The following AIM2 variants were observed in gnomAD, a reference collection of about 807,000 sequenced individuals.
The protein encoded by AIM2 is absent in melanoma 2, also known as interferon-inducible protein AIM2.
AIM2 carries 30 observed loss-of-function variants against 27.7 expected under a neutral mutation model. That is an observed-to-expected ratio of 1.08 (90% CI 0.81 to 1.47). AIM2 has a LOEUF of 1.47. AIM2 is among the 40% of genes most tolerant of loss of function. The probability of loss-of-function intolerance (pLI) is 0.00; values close to 1 mark genes in which losing one functional copy is unlikely to be tolerated. For missense variants in AIM2, 358 were observed against 411.3 expected, an observed-to-expected ratio of 0.87 and a Z score of 1.12; for synonymous variants, 141 against 145.3, an observed-to-expected ratio of 0.97 and a Z score of 0.21.
chr1:159,075,294 G>C (rs1222028459), intron 1 of AIM2, among the ~76,000 whole-genome samples: 2 of 151,786 alleles, frequency 1.3e-5, no homozygotes, highest in Non-Finnish European at 2.9e-5. Flanking sequence ...ATATCTGGTT[G>C]GATTAATTAT....
chr1:159,088,385 C>T lies in AIM2; in HGVS notation c.-15-22056G>A, dbSNP rs544106191. On this transcript the variant is annotated intron_variant, in intron 1 of 2. Transcript: ENST00000368129. The stretch of plus-strand genomic sequence containing the variant: ...ATGAGTCAGCTGGGCCCGATGTTTG[C>T]TGCTTCATAATGCCAAGGGCATGAC... Among the ~76,000 whole-genome samples, 4 of 152,312 alleles carry T rather than the reference C, an allele frequency of 2.6e-5. No homozygotes were observed. In the East Asian group the frequency reaches 7.7e-4, roughly 29 times the overall value.
intron 4 of AIM2, 50 bp from the exon 5 acceptor site, chr1:159,063,724 C>T: frequency 6.5e-7 from 1 of 1,545,614 alleles, no homozygotes; most frequent in African/African-American, 1.4e-5. Flanking sequence ...TTAATGAATG[C>T]CGCATCAGTC....
At chr1:159,115,042 GACAA>G (rs1357914860) in intron 1 of AIM2, among the ~76,000 whole-genome samples, 2 of 152,118 alleles carry the variant, frequency 1.3e-5, no homozygotes, top group Admixed American at 6.5e-5. Context: ...ACCAATAACA[GACAA>G]ACAGAGAGCC....
chr1:159,067,293 T>G (rs1656146936), intron 3 of AIM2, among the ~76,000 whole-genome samples: 1 of 152,260 alleles, frequency 6.6e-6, no homozygotes, highest in Non-Finnish European at 1.5e-5. Flanking sequence ...CTCTGTGTTT[T>G]TTATTTTTCT....
At chr1:159,075,611 TAGAGAG>T (rs368061118) in intron 1 of AIM2, among the ~76,000 whole-genome samples, 21 of 145,766 alleles carry the variant, frequency 1.4e-4, no homozygotes, top group African/African-American at 4.3e-4. Flanking sequence ...TATATATATA[TAGAGAG>T]AGAGAGAGAG....
At chr1:159,082,778 T>TG (rs1276489237) in intron 1 of AIM2, among the ~76,000 whole-genome samples, 1 of 152,168 alleles carries the variant, frequency 6.6e-6, no homozygotes, top group Non-Finnish European at 1.5e-5. Flanking sequence ...ATATGAATTT[T>TG]GGGGGTAACA....
intron 1 of AIM2, among the ~76,000 whole-genome samples, chr1:159,106,997 C>A (rs1657463616): frequency 6.6e-6 from 1 of 152,202 alleles, no homozygotes. Context: ...CTGGACAAAA[C>A]ATATAGATGC....
chr1:159,082,104 G>C (rs953973360), intron 1 of AIM2, among the ~76,000 whole-genome samples: 4 of 151,892 alleles, frequency 2.6e-5, no homozygotes, highest in Non-Finnish European at 5.9e-5. Flanking sequence ...AGCTTCCTGA[G>C]AAAGAATAGA....
intron 1 of AIM2, among the ~76,000 whole-genome samples, chr1:159,105,127 A>G (rs760566196): frequency 1.3e-5 from 2 of 152,182 alleles, no homozygotes; most frequent in Non-Finnish European, 2.9e-5. Flanking sequence ...GGGGTGTGTG[A>G]GCGAGCAAGT....
intron 2 of AIM2, 95 bp from the exon 3 acceptor site, chr1:159,068,796 TTAAGA>T: frequency 8.0e-7 from 1 of 1,250,662 alleles, no homozygotes; most frequent in Non-Finnish European, 1.1e-6. Flanking sequence ...TAAAACCATA[TTAAGA>T]TATCTTCAAG....
intron 1 of AIM2, among the ~76,000 whole-genome samples, chr1:159,133,394 G>A (rs1351256036): frequency 9.2e-5 from 14 of 152,074 alleles, no homozygotes; most frequent in Non-Finnish European, 5.9e-5. Flanking sequence ...TTACCATAAC[G>A]AAAAGTTTTA....
chr1:159,142,165 G>T (rs949423075), upstream of AIM2, among the ~76,000 whole-genome samples: 1 of 152,140 alleles, frequency 6.6e-6, no homozygotes, highest in Non-Finnish European at 1.5e-5. Context: ...AGAGACAAAG[G>T]AGCTGCTTCC....
At chr1:159,146,859 T>G (rs1306348202) in intron 1 of AIM2, among the ~76,000 whole-genome samples, 1 of 152,160 alleles carries the variant, frequency 6.6e-6, no homozygotes, top group Non-Finnish European at 1.5e-5. Context: ...GCCTTCTTTT[T>G]CTTTTCACCA....
chr1:159,096,416 G>A (rs2102013924), intron 1 of AIM2, among the ~76,000 whole-genome samples: 1 of 152,230 alleles, frequency 6.6e-6, no homozygotes, highest in Non-Finnish European at 1.5e-5. Context: ...ATAGCTCATA[G>A]TCTGAGCTTA....
At chr1:159,126,529 G>C (rs1647695473) in intron 1 of AIM2, among the ~76,000 whole-genome samples, 1 of 151,430 alleles carries the variant, frequency 6.6e-6, no homozygotes, top group African/African-American at 2.4e-5. Flanking sequence ...GGTGCCTGTA[G>C]TCCCAGCTAC....
chr1:159,118,577 A>G (rs1360485571), intron 1 of AIM2, among the ~76,000 whole-genome samples: 3 of 152,216 alleles, frequency 2.0e-5, no homozygotes, highest in African/African-American at 7.2e-5. Flanking sequence ...CCCATTATAA[A>G]GAGCAAATAT....
At chr1:159,082,075 G>A (rs1429363755) in intron 1 of AIM2, among the ~76,000 whole-genome samples, 1 of 152,062 alleles carries the variant, frequency 6.6e-6, no homozygotes, top group Non-Finnish European at 1.5e-5. Context: ...AAAACACCAA[G>A]GAGAGAGAAG....
chr1:159,135,297 T>C (rs948054349), intron 1 of AIM2, among the ~76,000 whole-genome samples: 1 of 152,208 alleles, frequency 6.6e-6, no homozygotes, highest in African/African-American at 2.4e-5. Context: ...CTACCCCTCA[T>C]TTTTAATATT....
At chr1:159,078,185 C>T (rs1185962129), upstream of AIM2, among the ~76,000 whole-genome samples, 2 of 152,202 alleles carry the variant, frequency 1.3e-5, no homozygotes, top group Admixed American at 6.5e-5. Flanking sequence ...TTTTCCCACA[C>T]GTGTTACTGA....
Sources: gnomAD v4.1 joint callset for allele counts (sites outside exome capture counted in the v4.1 genomes callset) on GRCh38, gnomAD v4.1.1 for gene constraint, MANE v1.5 for transcripts, NCBI Gene and HGNC (gene_info 2026-07-23, HGNC 2026-07-21) for gene names.